The following AKAP17A variants were observed in gnomAD, a reference collection of about 807,000 sequenced individuals.
AKAP17A encodes the protein A-kinase anchor protein 17A.
Under a neutral mutation model 52.2 loss-of-function variants are expected in AKAP17A, and 15 were observed. That is an observed-to-expected ratio of 0.29 (90% CI 0.19 to 0.44). The LOEUF (loss-of-function observed/expected upper bound fraction) is 0.44. Ranked by LOEUF, AKAP17A falls within the 20% of genes least tolerant of loss-of-function variation. AKAP17A has a pLI of 1.00. For missense variants in AKAP17A, 1,060 were observed against 1,007.0 expected, an observed-to-expected ratio of 1.05 and a Z score of -0.71; for synonymous variants, 514 against 424.7, an observed-to-expected ratio of 1.21 and a Z score of -2.58.
chrX:1,599,073 G>C (rs1472391263), intron 3 of AKAP17A, 119 bp from the exon 4 acceptor site: 22 of 1,475,168 alleles, frequency 1.5e-5, no homozygotes, highest in East Asian at 1.4e-4. Context: ...GGGATAAAGA[G>C]TTAAATGCTT....
chrX:1,592,859 T>A (rs1389382894), intron 1 of AKAP17A, among the ~76,000 whole-genome samples: 2 of 152,148 alleles, frequency 1.3e-5, no homozygotes, highest in African/African-American at 4.8e-5. Context: ...ACTTTTTGGC[T>A]TTGAGTGGGT....
At chrX:1,595,623 T>TGCGTGTGTGTGTGC in intron 3 of AKAP17A, 91 bp downstream of exon 3, 1 of 1,567,804 alleles carries the variant, frequency 6.4e-7, no homozygotes, top group Non-Finnish European at 8.7e-7. Flanking sequence ...TGTATTCCTG[T>TGCGTGTGTGTGTGC]GCGTGTGTGT....
chrX:1,598,025 T>C (rs1244857739), intron 3 of AKAP17A, among the ~76,000 whole-genome samples: 1 of 152,110 alleles, frequency 6.6e-6, no homozygotes, highest in East Asian at 1.9e-4. Flanking sequence ...TTCTTTCTGG[T>C]GGGTGGAGAT....
At chrX:1,591,991 T>G (rs1932845828) in intron 1 of AKAP17A, among the ~76,000 whole-genome samples, 6 of 134,498 alleles carry the variant, frequency 4.5e-5, no homozygotes, top group South Asian at 2.6e-4. Context: ...GGTCCGGGGG[T>G]CCCTGGAAGT....
intron 4 of AKAP17A, chrX:1,600,036 T>TCCCCAGGACAGACGTC: frequency 1.5e-6 from 1 of 669,590 alleles, no homozygotes; most frequent in Non-Finnish European, 2.4e-6. Flanking sequence ...CAGACAGACC[T>TCCCCAGGACAGACGTC]CCCCAGGACA....
chrX:1,600,176 G>C (rs1386279649), intron 4 of AKAP17A: 1 of 1,306,780 alleles, frequency 7.7e-7, no homozygotes, highest in East Asian at 5.3e-5. Flanking sequence ...ACAAGAGGCT[G>C]AGACATGTGG....
chrX:1,592,978 GC>G (rs1488581598), intron 1 of AKAP17A, among the ~76,000 whole-genome samples: 2 of 152,128 alleles, frequency 1.3e-5, no homozygotes. Flanking sequence ...CAGGGCCGCC[GC>G]CCCCTCCACA....
Position 1,601,943 on chromosome X carries a change from C to G in AKAP17A, c.*349C>G, listed in dbSNP as rs1469198619. The G allele has an allele frequency of 3.7e-6, 1 of 270,336 alleles. No homozygotes were observed. Among genetic ancestry groups the G allele is most frequent in the Non-Finnish European group, 6.9e-6 (1 of 144,124 alleles). 16.7% of individuals were successfully genotyped at this position (270,336 alleles called of 1,614,324 possible). The stretch of plus-strand genomic sequence containing the variant: ...TTCCCCCACACGGGGATTTCTGTGT[C>G]TGCTTGGCGACCTCCCTGCGTGCAC... On this transcript the variant is annotated 3_prime_UTR_variant, in exon 5 of 5. Coordinates refer to ENST00000313871, the MANE Select transcript of AKAP17A (RefSeq NM_005088.3).
At chrX:1,598,376 T>C (rs1230339597) in intron 3 of AKAP17A, among the ~76,000 whole-genome samples, 3 of 152,080 alleles carry the variant, frequency 2.0e-5, no homozygotes, top group Non-Finnish European at 4.4e-5. Flanking sequence ...GTGTCTCCTC[T>C]CCCCTTGGTG....
At chrX:1,598,239 A>G (rs1275138074) in intron 3 of AKAP17A, among the ~76,000 whole-genome samples, 1 of 152,186 alleles carries the variant, frequency 6.6e-6, no homozygotes, top group Non-Finnish European at 1.5e-5. Context: ...AAACTGCCTG[A>G]GGACCTGCAT....
intron 4 of AKAP17A, chrX:1,600,347 G>A (rs1412226880): frequency 7.5e-6 from 5 of 668,304 alleles, no homozygotes; most frequent in Non-Finnish European, 9.9e-6. Context: ...TGTGCAACGT[G>A]GTGGGGCTCC....
intron 3 of AKAP17A, 137 bp from the exon 4 acceptor site, chrX:1,599,055 T>TC: frequency 7.2e-7 from 1 of 1,384,702 alleles, no homozygotes; most frequent in African/African-American, 1.4e-5. Flanking sequence ...TCAACCGAGG[T>TC]CCACCTTGGG....
chrX:1,597,316 T>G (rs1933055379), intron 3 of AKAP17A, among the ~76,000 whole-genome samples: 1 of 152,132 alleles, frequency 6.6e-6, no homozygotes, highest in Admixed American at 6.5e-5. Context: ...GTGCAGTGTG[T>G]AAGCGAGTGG....
chrX:1,601,918 T>G lies in AKAP17A; in HGVS notation c.*324T>G. The G allele has an allele frequency of 2.9e-5, 9 of 306,576 alleles. No homozygotes were observed. The highest frequency in any genetic ancestry group is 1.0e-4 in the East Asian group (2 of 19,520). 19.0% of individuals were successfully genotyped at this position (306,576 alleles called of 1,614,324 possible). A position where few individuals can be genotyped will look rare whatever the true frequency, so the allele number is the denominator to read the frequency against. ...TCGTGAGGATGGCAGAGCTGCTGCA[T>G]TCCCCCACACGGGGATTTCTGTGTC... On this transcript the variant is annotated 3_prime_UTR_variant, in exon 5 of 5. Transcript: ENST00000313871.
rs780856400 is a variant in AKAP17A, at chrX:1,595,524, G to T, written c.903G>T (p.Ala301=). 86 of 1,613,882 alleles carry T rather than the reference G, an allele frequency of 5.3e-5. 2 individuals are homozygous for T. In the South Asian group the frequency reaches 8.5e-4, roughly 16 times the overall value. The part of the protein sequence containing the change: ...REKEAEERQR[A]EERKQKELEE... ...AGGAAGCGGAGGAGAGGCAGCGAGC[G>T]GAGGAAAGGTACCTTCTGCGGGAGC... The change falls in exon 3 of 5, where the codon GCG becomes GCT. Residue 301 remains alanine, a synonymous_variant. Transcript: ENST00000313871.
intron 4 of AKAP17A, chrX:1,600,023 A>T: frequency 1.7e-6 from 1 of 584,554 alleles, no homozygotes; most frequent in Non-Finnish European, 2.9e-6. Flanking sequence ...CAGGGCCCAC[A>T]GACAGACAGA....
In AKAP17A at chrX:1,593,380, C is replaced by A. The variant is rs1379892615; in HGVS notation, c.-19-64C>A. The A allele has an allele frequency of 4.6e-6, 7 of 1,523,700 alleles. No individual in the cohort carries two copies. In the African/African-American group the frequency reaches 9.6e-5, roughly 21 times the overall value. 94.4% of individuals were successfully genotyped at this position (1,523,700 alleles called of 1,614,324 possible). A position where few individuals can be genotyped will look rare whatever the true frequency, so the allele number is the denominator to read the frequency against. ...GTCCAGAAAGTGCCTGCTGGCTTGG[C>A]CCCTCCTCATTGGCGGGGGAGGTGG... On this transcript the variant is annotated intron_variant, in intron 1 of 4. Coordinates refer to ENST00000313871, the MANE Select transcript of AKAP17A (RefSeq NM_005088.3).
chrX:1,599,569 G>C, intron 4 of AKAP17A, 137 bp downstream of exon 4: 1 of 1,197,866 alleles, frequency 8.3e-7, no homozygotes, highest in Admixed American at 2.0e-5. Context: ...TTAATGCCGA[G>C]GATGACGGCT....
rs762268432 is a variant in AKAP17A, at chrX:1,593,605, A to G, written c.143A>G (p.Asn48Ser). The stretch of plus-strand genomic sequence containing the variant: ...AAGCAGCCGGGGAAGTCCATCTCCA[A>G]CTGGGAGGTGATGGAGAGGCTGAAG... ...QLKQPGKSISNWEVMERLKGM... is the reference protein window; with the variant it reads ...QLKQPGKSISSWEVMERLKGM... Residue 48 changes from asparagine (N) to serine (S), a missense_variant, in exon 2 of 5, where the codon AAC becomes AGC. By Grantham distance (46) the Asn-to-Ser change is conservative. Transcript: ENST00000313871. 2.5e-6 allele frequency: 4 copies of G among 1,613,722 alleles called. No homozygotes were observed. The highest frequency in any genetic ancestry group is 2.2e-5 in the East Asian group (1 of 44,894).
Sources: gnomAD v4.1 joint callset for allele counts (sites outside exome capture counted in the v4.1 genomes callset) on GRCh38, gnomAD v4.1.1 for gene constraint, MANE v1.5 for transcripts, NCBI Gene and HGNC (gene_info 2026-07-23, HGNC 2026-07-21) for gene names.